The following HDAC9 variants were observed in gnomAD, a reference collection of about 807,000 sequenced individuals.
HDAC9 encodes the protein histone deacetylase 9, also known as MEF-2 interacting transcription repressor (MITR) protein.
HDAC9 carries 41 observed loss-of-function variants against 139.4 expected under a neutral mutation model. The observed-to-expected ratio is 0.29, with a 90% CI of 0.23 to 0.38. The LOEUF (loss-of-function observed/expected upper bound fraction) is 0.38. Ranked by LOEUF, HDAC9 falls within the 10% of genes least tolerant of loss-of-function variation. HDAC9 has a pLI of 1.00. For missense variants in HDAC9, 1,147 were observed against 1,297.0 expected (o/e 0.88, Z 1.78); for synonymous variants, 517 against 476.2 (o/e 1.09, Z -1.12).
Position 18,237,624 on chromosome 7 carries a change from A to G in HDAC9, c.25+75275A>G, listed in dbSNP as rs139457415. Reference sequence around the variant, plus strand: ...GGTCAGAATAAAAGGAAAATTTTTGAAAGATATTTTGAAGGAAGAACGGAT... The same window carrying G: ...GGTCAGAATAAAAGGAAAATTTTTGGAAGATATTTTGAAGGAAGAACGGAT... On this transcript the variant is annotated intron_variant, in intron 2 of 12. Transcript: ENST00000417496. Among the ~76,000 whole-genome samples, 453 of 152,292 alleles carry G rather than the reference A, an allele frequency of 3.0e-3. 2 individuals are homozygous for G. The highest frequency in any genetic ancestry group is 0.01 in the African/African-American group (418 of 41,556).
intron 2 of HDAC9, among the ~76,000 whole-genome samples, chr7:18,270,498 T>G (rs574531085): frequency 6.6e-6 from 1 of 152,318 alleles, no homozygotes; most frequent in Admixed American, 6.5e-5. Flanking sequence ...CTTTCCTTTG[T>G]GGGATATGGT....
chr7:18,788,162 C>T (rs1455899765), intron 16 of HDAC9, among the ~76,000 whole-genome samples: 3 of 152,164 alleles, frequency 2.0e-5, no homozygotes, highest in African/African-American at 7.2e-5. Context: ...TCTCTGCCAG[C>T]TGGAGCTTGG....
rs1036930121 is a variant in HDAC9 at position 18,594,061 on chromosome 7, CT to C, written c.664+34del. ...TGGTTTAACAGGAACTCTGTTTGCTCTTCTGTAACACACCTGTAAGTTTCAT... is the reference window on the plus strand; with the variant it reads ...TGGTTTAACAGGAACTCTGTTTGCTCTCTGTAACACACCTGTAAGTTTCAT... On this transcript the variant is annotated intron_variant, in intron 6 of 25. Coordinates refer to ENST00000686413, the MANE Select transcript of HDAC9 (RefSeq NM_178425.4). The C allele has an allele frequency of 1.9e-6, 3 of 1,609,636 alleles. No homozygotes were observed. The African/African-American group carries it at 4.0e-5, about 22-fold the overall frequency.
At chr7:18,319,389 A>G (rs1799874847) in intron 1 of HDAC9, among the ~76,000 whole-genome samples, 1 of 152,226 alleles carries the variant, frequency 6.6e-6, no homozygotes, top group African/African-American at 2.4e-5. Flanking sequence ...ATAAAAGCTC[A>G]TCTAGCAACC....
At chr7:18,090,222 T>C (rs1036971079) in intron 1 of HDAC9, among the ~76,000 whole-genome samples, 12 of 152,206 alleles carry the variant, frequency 7.9e-5, no homozygotes, top group Non-Finnish European at 1.6e-4. Flanking sequence ...TTAACATCTA[T>C]ATTTCCTGTA....
intron 25 of HDAC9, among the ~76,000 whole-genome samples, chr7:18,990,162 G>T (rs533200677): frequency 6.6e-6 from 1 of 152,226 alleles, no homozygotes; most frequent in East Asian, 1.9e-4. Flanking sequence ...TTTCTGCTCT[G>T]TTTTTTCCCC....
At chr7:18,918,203 A>G (rs1256360358) in intron 22 of HDAC9, among the ~76,000 whole-genome samples, 3 of 152,164 alleles carry the variant, frequency 2.0e-5, no homozygotes, top group East Asian at 1.9e-4. Flanking sequence ...GATAATGGGT[A>G]TAACTGTGAC....
Position 18,144,137 on chromosome 7 carries a change from C to T in HDAC9, c.-96-18092C>T, listed in dbSNP as rs1038112399. ...TATTGAAAAATTCTGGAAATAAAAA[C>T]ATTTTCTGATTATGAATAATACATG... On this transcript the variant is annotated intron_variant, in intron 1 of 12. Transcript: ENST00000417496. Among the ~76,000 whole-genome samples, 5 of 151,954 alleles carry T rather than the reference C, an allele frequency of 3.3e-5. No individual in the cohort carries two copies. The East Asian group carries it at 7.7e-4, about 23-fold the overall frequency.
At chr7:18,370,555 T>C (rs1425429428) in intron 1 of HDAC9, among the ~76,000 whole-genome samples, 1 of 152,194 alleles carries the variant, frequency 6.6e-6, no homozygotes, top group Non-Finnish European at 1.5e-5. Context: ...TTTAGCAAGC[T>C]GAACACTGCT....
At chr7:18,374,342 G>A in intron 1 of HDAC9, among the ~76,000 whole-genome samples, 1 of 151,850 alleles carries the variant, frequency 6.6e-6, no homozygotes, top group East Asian at 1.9e-4. Flanking sequence ...GACTGGGATA[G>A]GTTCTGATAA....
intron 22 of HDAC9, among the ~76,000 whole-genome samples, chr7:18,929,542 C>T (rs186714636): frequency 1.8e-4 from 28 of 152,124 alleles, no homozygotes; most frequent in African/African-American, 6.7e-4. Flanking sequence ...AACAACCAGG[C>T]TACATGTAGG....
chr7:18,717,567 G>T (rs1784798865), intron 12 of HDAC9, among the ~76,000 whole-genome samples: 3 of 151,990 alleles, frequency 2.0e-5, no homozygotes, highest in Admixed American at 1.3e-4. Flanking sequence ...AAGTAGCCGG[G>T]ATTACAGGCA....
chr7:18,397,503 A>T (rs1787168785), intron 1 of HDAC9, among the ~76,000 whole-genome samples: 1 of 152,132 alleles, frequency 6.6e-6, no homozygotes, highest in South Asian at 2.1e-4. Flanking sequence ...TCACTGTTTT[A>T]GGAAAATGTA....
At chr7:18,620,598 A>C (rs1839955218) in intron 6 of HDAC9, among the ~76,000 whole-genome samples, 1 of 151,706 alleles carries the variant, frequency 6.6e-6, no homozygotes, top group Non-Finnish European at 1.5e-5. Context: ...ACTTTTACTG[A>C]GTTTCACCTG....
chr7:18,129,077 T>C (rs1161041271), intron 1 of HDAC9, among the ~76,000 whole-genome samples: 1 of 152,138 alleles, frequency 6.6e-6, no homozygotes, highest in African/African-American at 2.4e-5. Context: ...AAGAGAACAA[T>C]GCTGTGATTG....
intron 1 of HDAC9, among the ~76,000 whole-genome samples, chr7:18,467,934 G>C (rs1794418362): frequency 6.6e-6 from 1 of 152,010 alleles, no homozygotes; most frequent in Non-Finnish European, 1.5e-5. Context: ...ATCTTGAGTA[G>C]TACTACTCAG....
At chr7:18,783,725 C>A (rs1791451964) in intron 16 of HDAC9, among the ~76,000 whole-genome samples, 1 of 151,208 alleles carries the variant, frequency 6.6e-6, no homozygotes, top group African/African-American at 2.4e-5. Flanking sequence ...AAATAAATCA[C>A]CCTGGGTAGC....
At chr7:18,175,119 T>C (rs1285716121) in intron 2 of HDAC9, among the ~76,000 whole-genome samples, 1 of 152,206 alleles carries the variant, frequency 6.6e-6, no homozygotes, top group Non-Finnish European at 1.5e-5. Flanking sequence ...CACCTAATTC[T>C]AGCTTCCTGA....
chr7:18,261,174 G>T (rs1439267631), intron 2 of HDAC9, among the ~76,000 whole-genome samples: 1 of 151,972 alleles, frequency 6.6e-6, no homozygotes, highest in Non-Finnish European at 1.5e-5. Flanking sequence ...TGTGCATGGT[G>T]ATGCAGGCCT....
Sources: allele counts gnomAD v4.1 joint callset (sites outside exome capture counted in the v4.1 genomes callset), GRCh38; gene constraint gnomAD v4.1.1; transcripts MANE v1.5; gene names NCBI Gene and HGNC (gene_info 2026-07-23, HGNC 2026-07-21).